The following PUS7 variants were observed in gnomAD, a reference collection of about 807,000 sequenced individuals.
PUS7 encodes the protein pseudouridine synthase 7.
A neutral mutation model predicts 79.8 loss-of-function variants in PUS7; 48 were observed. That is an observed-to-expected ratio of 0.60 (90% CI 0.48 to 0.76). The LOEUF is 0.76. PUS7 is among the 30% of genes least tolerant of loss of function. The probability of loss-of-function intolerance (pLI) is 0.00; values close to 1 mark genes in which losing one functional copy is unlikely to be tolerated. For synonymous variants in PUS7, 286 were observed against 272.2 expected, an observed-to-expected ratio of 1.05 and a Z score of -0.50; for missense variants, 729 against 797.6, an observed-to-expected ratio of 0.91 and a Z score of 1.04.
chr7:105,516,447 A>T (rs1477045720), intron 1 of PUS7, among the ~76,000 whole-genome samples: 3 of 146,606 alleles, frequency 2.0e-5, no homozygotes, highest in African/African-American at 5.0e-5. Flanking sequence ...CTGAAATGGA[A>T]TTTTTTTTTT....
At chr7:105,509,644 T>A (rs1825630031) in intron 1 of PUS7, among the ~76,000 whole-genome samples, 1 of 152,036 alleles carries the variant, frequency 6.6e-6, no homozygotes, top group African/African-American at 2.4e-5. Flanking sequence ...CTAGTTTTTT[T>A]ATTTTTATTT....
chr7:105,462,086 GGAAAAGAAAAA>G (rs1823451868), intron 14 of PUS7: 1 of 86,066 alleles, frequency 1.2e-5, no homozygotes, highest in African/African-American at 3.4e-5. Context: ...AGATAGAAAA[GGAAAAGAAAAA>G]GAAAAGGAAA....
chr7:105,482,400 T>C lies in PUS7; in HGVS notation c.961A>G (p.Met321Val), dbSNP rs1188923603. The change falls in exon 8 of 16, where the codon ATG (methionine) becomes GTG (valine). Residue 321 changes from methionine to valine, a missense_variant. Physicochemically the swap from Met to Val is conservative, Grantham distance 21. Coordinates refer to ENST00000469408, the MANE Select transcript of PUS7 (RefSeq NM_019042.5). Reference sequence around the variant, plus strand: ...CTGAAATTCCCTAGCTTAAAGTTCATCAAGCACTTATTCAGGTGGGCAAGT... The same window carrying C: ...CTGAAATTCCCTAGCTTAAAGTTCACCAAGCACTTATTCAGGTGGGCAAGT... ...QRLAHLNKCL[M>V]NFKLGNFSYQ... 6 of 1,609,108 alleles carry C rather than the reference T, an allele frequency of 3.7e-6. No individual in the cohort carries two copies. Among genetic ancestry groups the C allele is most frequent in the Middle Eastern group, 1.7e-4 (1 of 6,044 alleles).
chr7:105,462,534 T>G (rs556863220), intron 14 of PUS7, 87 bp downstream of exon 14: 1 of 1,389,628 alleles, frequency 7.2e-7, no homozygotes, highest in Admixed American at 2.1e-5. Context: ...AAAATTCTTG[T>G]GCAGTACATG....
chr7:105,504,766 T>A (rs867715018), intron 4 of PUS7, among the ~76,000 whole-genome samples: 9 of 152,264 alleles, frequency 5.9e-5, no homozygotes, highest in Middle Eastern at 3.4e-3. Flanking sequence ...CTGCCAGGAA[T>A]TTTCCTCTTG....
At chr7:105,506,594 T>C (rs963545305) in intron 2 of PUS7, among the ~76,000 whole-genome samples, 1 of 151,932 alleles carries the variant, frequency 6.6e-6, no homozygotes, top group Non-Finnish European at 1.5e-5. Flanking sequence ...AGCTAATTTT[T>C]GTATTTTTAG....
At chr7:105,472,081 A>C (rs748056700) in intron 10 of PUS7, 51 bp downstream of exon 10, 1 of 1,175,602 alleles carries the variant, frequency 8.5e-7, no homozygotes, top group South Asian at 1.4e-5. Flanking sequence ...AATTTCATGA[A>C]TACCTAGCCA....
intron 14 of PUS7, among the ~76,000 whole-genome samples, chr7:105,462,061 A>G (rs1483352125): frequency 6.7e-6 from 1 of 148,560 alleles, no homozygotes; most frequent in African/African-American, 2.4e-5. Context: ...AAAAAAGAAA[A>G]GAAAGAAAAG....
chr7:105,497,508 G>T (rs1825084271), intron 5 of PUS7, among the ~76,000 whole-genome samples: 1 of 152,130 alleles, frequency 6.6e-6, no homozygotes. Flanking sequence ...GATTAAAAAA[G>T]ATTTAAGAGA....
At chr7:105,467,542 G>GC (rs1177329155) in intron 12 of PUS7, among the ~76,000 whole-genome samples, 14 of 151,658 alleles carry the variant, frequency 9.2e-5, no homozygotes, top group South Asian at 4.2e-4. Context: ...GCCCGCCTTG[G>GC]CTCCCAAAGT....
chr7:105,476,002 G>A (rs1278015236), intron 9 of PUS7, among the ~76,000 whole-genome samples: 2 of 151,650 alleles, frequency 1.3e-5, no homozygotes, highest in South Asian at 2.1e-4. Context: ...GCTTACCCAC[G>A]TGATAGCACG....
chr7:105,462,699 T>C lies in PUS7; in HGVS notation c.1679A>G (p.Asn560Ser). 1.2e-6 allele frequency: 2 copies of C among 1,613,746 alleles called. No homozygotes were observed. The highest frequency in any genetic ancestry group is 8.5e-7 in the Non-Finnish European group (1 of 1,179,808). The change falls in exon 14 of 16, where the codon AAC becomes AGC. Residue 560 changes from asparagine (N) to serine (S), a missense_variant. By Grantham distance (46) the Asn-to-Ser change is conservative. Coordinates refer to ENST00000469408, the MANE Select transcript of PUS7 (RefSeq NM_019042.5). Reference sequence around the variant, plus strand: ...ATAATCTCGAATTTTGTGTCTCATGTTGTCAATATCAAGATTGTCAGCTGT... The same window carrying C: ...ATAATCTCGAATTTTGTGTCTCATGCTGTCAATATCAAGATTGTCAGCTGT... Reference protein sequence around the residue: ...MLTADNLDIDNMRHKIRDYSL... With the variant: ...MLTADNLDIDSMRHKIRDYSL...
chr7:105,520,388 G>A (rs965534850), intron 1 of PUS7, among the ~76,000 whole-genome samples: 8 of 143,816 alleles, frequency 5.6e-5, no homozygotes, highest in African/African-American at 1.2e-4. Flanking sequence ...GAACCCGGGA[G>A]GCGGAGCCTG....
At chr7:105,493,282 A>G (rs979325403) in intron 6 of PUS7, among the ~76,000 whole-genome samples, 19 of 152,382 alleles carry the variant, frequency 1.2e-4, no homozygotes, top group Admixed American at 5.2e-4. Context: ...TAGTTAACTA[A>G]GAAGTATTTT....
chr7:105,462,579 A>G, intron 14 of PUS7, 42 bp downstream of exon 14: 1 of 1,606,996 alleles, frequency 6.2e-7, no homozygotes, highest in East Asian at 2.2e-5. Flanking sequence ...CTTACAACTT[A>G]TATGGTAATT....
At chr7:105,465,883 A>T (rs964564800) in intron 12 of PUS7, among the ~76,000 whole-genome samples, 3 of 149,602 alleles carry the variant, frequency 2.0e-5, no homozygotes, top group African/African-American at 7.4e-5. Context: ...TGGGGCCAGG[A>T]GCAGTGGCTC....
intron 6 of PUS7, among the ~76,000 whole-genome samples, chr7:105,492,650 C>T (rs1409910588): frequency 1.4e-4 from 21 of 150,552 alleles, no homozygotes; most frequent in African/African-American, 4.9e-4. Flanking sequence ...GGACTACAGG[C>T]GCCCGCCACT....
chr7:105,514,610 A>G (rs959335434), intron 1 of PUS7, among the ~76,000 whole-genome samples: 2 of 151,778 alleles, frequency 1.3e-5, no homozygotes, highest in Non-Finnish European at 2.9e-5. Flanking sequence ...TCTCAAAAAA[A>G]AGAAAAGAAA....
intron 6 of PUS7, 127 bp downstream of exon 6, chr7:105,495,015 T>A: frequency 1.5e-5 from 7 of 466,128 alleles, no homozygotes; most frequent in East Asian, 3.6e-5. Flanking sequence ...GAAAGAAAAC[T>A]ATCATTGGGA....
Sources: gnomAD v4.1 joint callset for allele counts (sites outside exome capture counted in the v4.1 genomes callset) on GRCh38, gnomAD v4.1.1 for gene constraint, MANE v1.5 for transcripts, NCBI Gene and HGNC (gene_info 2026-07-23, HGNC 2026-07-21) for gene names.